TARBP1: variants seen among roughly 807,000 people sequenced by gnomAD.
TARBP1 encodes tRNA guanosine 2 -O-methyltransferase TARBP1, also known as tRNA (guanosine(18)-2'-O)-methyltransferase TARBP1.
A neutral mutation model predicts 178.6 loss-of-function variants in TARBP1; 144 were observed. The ratio of observed to expected loss-of-function variants is 0.81; its 90% confidence interval spans 0.70 to 0.93. The LOEUF (loss-of-function observed/expected upper bound fraction) is 0.93, where lower values mean the gene tolerates loss of function less well. TARBP1 is among the 40% of genes least tolerant of loss of function. The probability of loss-of-function intolerance (pLI) is 0.00; values close to 1 mark genes in which losing one functional copy is unlikely to be tolerated. For missense variants in TARBP1, 2,067 were observed against 2,011.7 expected (o/e 1.03, Z -0.53); for synonymous variants, 787 against 781.0 (o/e 1.01, Z -0.13).
At chr1:234,465,860 C>G in intron 4 of TARBP1, 152 bp from the exon 5 acceptor site, 1 of 606,764 alleles carries the variant, frequency 1.6e-6, no homozygotes, top group Non-Finnish European at 2.6e-6. Flanking sequence ...AAATTTAGTG[C>G]TGGTCCTGGA....
chr1:234,392,227 T>C (rs1659446861), intron 29 of TARBP1, among the ~76,000 whole-genome samples, 189 bp downstream of exon 29: 2 of 152,174 alleles, frequency 1.3e-5, no homozygotes, highest in South Asian at 2.1e-4. Context: ...TCCCAGCTAC[T>C]TGGGAAGCTG....
intron 22 of TARBP1, among the ~76,000 whole-genome samples, chr1:234,415,423 G>C (rs900651447): frequency 1.3e-5 from 2 of 152,144 alleles, no homozygotes; most frequent in Admixed American, 6.5e-5. Flanking sequence ...TAAAGGTTAA[G>C]GTAATTTGCT....
intron 22 of TARBP1, among the ~76,000 whole-genome samples, chr1:234,417,417 C>T (rs761999127): frequency 6.6e-6 from 1 of 152,114 alleles, no homozygotes; most frequent in Non-Finnish European, 1.5e-5. Context: ...AATGCACCTC[C>T]ATTTTCACAC....
chr1:234,429,117 A>T lies in TARBP1; in HGVS notation c.3060+19T>A. The T allele has an allele frequency of 3.2e-6, 5 of 1,539,808 alleles. No homozygotes were observed. Among genetic ancestry groups the T allele is most frequent in the Non-Finnish European group, 4.3e-6 (5 of 1,152,864 alleles). On this transcript the variant is annotated intron_variant, in intron 17 of 29. Coordinates refer to ENST00000040877, the MANE Select transcript of TARBP1 (RefSeq NM_005646.4). ...CACACACATGAAAAGAAAAGCAAAA[A>T]GAAAAGAAAGTTAGTTACCTCTTTT... is the stretch of plus-strand genomic sequence containing the variant.
At chr1:234,438,208 T>C (rs1271998499) in intron 12 of TARBP1, among the ~76,000 whole-genome samples, 1 of 152,122 alleles carries the variant, frequency 6.6e-6, no homozygotes, top group Admixed American at 6.6e-5. Flanking sequence ...GATTCAGAGT[T>C]TCATATTATA....
chr1:234,444,152 T>G (rs957196944), intron 12 of TARBP1, among the ~76,000 whole-genome samples: 1 of 152,134 alleles, frequency 6.6e-6, no homozygotes, highest in Non-Finnish European at 1.5e-5. Context: ...AAACTAACTA[T>G]GTATAAAAAC....
chr1:234,405,738 C>A (rs528485658), intron 24 of TARBP1, among the ~76,000 whole-genome samples, 165 bp downstream of exon 24: 1 of 152,280 alleles, frequency 6.6e-6, no homozygotes, highest in South Asian at 2.1e-4. Context: ...ATTAACTACA[C>A]CCCAAAGTGA....
chr1:234,401,300 G>A (rs1348891258), intron 24 of TARBP1, 38 bp from the exon 25 acceptor site: 2 of 1,497,098 alleles, frequency 1.3e-6, no homozygotes, highest in African/African-American at 1.4e-5. Flanking sequence ...ACAGACAAAT[G>A]AAACAACTCT....
chr1:234,449,220 CAG>C (rs1468688522), intron 10 of TARBP1, among the ~76,000 whole-genome samples: 1 of 152,204 alleles, frequency 6.6e-6, no homozygotes, highest in African/African-American at 2.4e-5. Flanking sequence ...GCAGGCCATG[CAG>C]AGGACCTTTG....
At chr1:234,399,750 T>C (rs563518214) in intron 25 of TARBP1, among the ~76,000 whole-genome samples, 9 of 152,132 alleles carry the variant, frequency 5.9e-5, no homozygotes, top group Non-Finnish European at 7.4e-5. Context: ...ATGGATGAAA[T>C]TGGAAATCAT....
chr1:234,448,292 C>T (rs1245380194), intron 11 of TARBP1, among the ~76,000 whole-genome samples, 188 bp downstream of exon 11: 1 of 152,190 alleles, frequency 6.6e-6, no homozygotes, highest in African/African-American at 2.4e-5. Flanking sequence ...AATTTAAAAG[C>T]ACTAATATGC....
rs201770990 is a variant in TARBP1 at position 234,415,649 on chromosome 1, T to TA, written c.3705+2434dup. ...ATTTCTGATTCCTAAATTGAGAACT[T>TA]ACAACTTAGAGAAGCAGAGCTCACA... On this transcript the variant is annotated intron_variant, in intron 22 of 29. Transcript: ENST00000040877. Among the ~76,000 whole-genome samples the TA allele has an allele frequency of 1.0e-2, 1,519 of 152,248 alleles. 29 individuals carry two copies. The highest frequency in any genetic ancestry group is 0.034 in the African/African-American group (1,422 of 41,552).
At chr1:234,433,638 T>G in intron 13 of TARBP1, 67 bp from the exon 14 acceptor site, 1 of 1,465,676 alleles carries the variant, frequency 6.8e-7, no homozygotes, top group South Asian at 1.3e-5. Context: ...ACTACAAGCC[T>G]TCAGGCAGGA....
intron 10 of TARBP1, 101 bp downstream of exon 10, chr1:234,450,327 C>G (rs974488679): frequency 2.3e-6 from 2 of 870,942 alleles, no homozygotes; most frequent in Non-Finnish European, 1.7e-6. Flanking sequence ...AATAAATCAT[C>G]ATATATTTCG....
At chr1:234,433,615 T>C (rs1381425685) in intron 13 of TARBP1, 44 bp from the exon 14 acceptor site, 7 of 1,554,448 alleles carry the variant, frequency 4.5e-6, no homozygotes, top group East Asian at 2.3e-5. Context: ...GCAAGGTCCA[T>C]GATTTTCACA....
At chr1:234,423,199 G>A (rs772761023) in intron 20 of TARBP1, among the ~76,000 whole-genome samples, 1 of 152,170 alleles carries the variant, frequency 6.6e-6, no homozygotes, top group Non-Finnish European at 1.5e-5. Context: ...AGTGATGCAG[G>A]AGGGCTCCAA....
intron 22 of TARBP1, among the ~76,000 whole-genome samples, chr1:234,416,581 G>C (rs1300062323): frequency 6.6e-6 from 1 of 152,214 alleles, no homozygotes; most frequent in Non-Finnish European, 1.5e-5. Context: ...ATAGGCATGA[G>C]CCGCCACTCC....
intron 14 of TARBP1, among the ~76,000 whole-genome samples, chr1:234,431,694 T>C (rs973878388): frequency 1.3e-5 from 2 of 152,232 alleles, no homozygotes; most frequent in Non-Finnish European, 2.9e-5. Flanking sequence ...ACATCAACTC[T>C]ATAATCCCCA....
chr1:234,468,232 C>G (rs1416143699), intron 3 of TARBP1, among the ~76,000 whole-genome samples: 1 of 151,964 alleles, frequency 6.6e-6, no homozygotes, highest in African/African-American at 2.4e-5. Context: ...GCAGATGGAT[C>G]ACATGAGGCC....
Sources: gnomAD v4.1 joint callset for allele counts (sites outside exome capture counted in the v4.1 genomes callset) on GRCh38, gnomAD v4.1.1 for gene constraint, MANE v1.5 for transcripts, NCBI Gene and HGNC (gene_info 2026-07-23, HGNC 2026-07-21) for gene names.